ROBO2: variants seen among roughly 807,000 people sequenced by gnomAD.
The protein encoded by ROBO2 is roundabout guidance receptor 2, also known as roundabout homolog 2.
A neutral mutation model predicts 160.8 loss-of-function variants in ROBO2; 53 were observed. The observed-to-expected ratio is 0.33, with a 90% confidence interval of 0.26 to 0.41. The LOEUF (loss-of-function observed/expected upper bound fraction) is 0.41, where lower values mean the gene tolerates loss of function less well. ROBO2 is among the 10% of genes least tolerant of loss of function. The pLI is 1.00. For synonymous variants in ROBO2, 664 were observed against 611.7 expected, an observed-to-expected ratio of 1.09 and a Z score of -1.26; for missense variants, 1,577 against 1,722.4, an observed-to-expected ratio of 0.92 and a Z score of 1.49.
intron 1 of ROBO2, among the ~76,000 whole-genome samples, chr3:75,929,415 T>A (rs1237244051): frequency 6.6e-6 from 1 of 152,136 alleles, no homozygotes; most frequent in Non-Finnish European, 1.5e-5. Flanking sequence ...GTTTGCTAAG[T>A]TCCATATTGC....
At chr3:76,198,994 G>A (rs1702390671) in intron 2 of ROBO2, among the ~76,000 whole-genome samples, 1 of 152,126 alleles carries the variant, frequency 6.6e-6, no homozygotes. Flanking sequence ...ATGGGGCTGG[G>A]CTATGAGTCC....
At chr3:76,890,533 A>G (rs951587766) in intron 2 of ROBO2, among the ~76,000 whole-genome samples, 1 of 152,110 alleles carries the variant, frequency 6.6e-6, no homozygotes, top group Non-Finnish European at 1.5e-5. Flanking sequence ...ATTTCCAAAT[A>G]GGGCCTGAAA....
At chr3:76,676,187 T>G (rs2092402632) in intron 2 of ROBO2, among the ~76,000 whole-genome samples, 1 of 151,996 alleles carries the variant, frequency 6.6e-6, no homozygotes. Context: ...TCCCCACGTG[T>G]TGGGGGAGGG....
chr3:76,901,881 C>T (rs901809172), intron 2 of ROBO2, among the ~76,000 whole-genome samples: 2 of 151,900 alleles, frequency 1.3e-5, no homozygotes, highest in African/African-American at 4.8e-5. Flanking sequence ...TCAATCCTAA[C>T]TTTTTTCTTC....
At chr3:76,831,005 T>TTAA (rs918509225) in intron 2 of ROBO2, among the ~76,000 whole-genome samples, 10 of 151,934 alleles carry the variant, frequency 6.6e-5, no homozygotes, top group African/African-American at 1.9e-4. Context: ...AATAAATTAA[T>TTAA]TAATAATAAT....
chr3:76,796,164 A>G (rs1576664211), intron 2 of ROBO2, among the ~76,000 whole-genome samples: 2 of 152,214 alleles, frequency 1.3e-5, no homozygotes, highest in South Asian at 4.1e-4. Context: ...TCACCAGGGC[A>G]CCAGCTGCTA....
At chr3:76,122,546 A>G (rs1037102090) in intron 2 of ROBO2, among the ~76,000 whole-genome samples, 6 of 152,124 alleles carry the variant, frequency 3.9e-5, no homozygotes, top group African/African-American at 2.4e-5. Context: ...TTTGTGACCT[A>G]AAATATGACC....
intron 2 of ROBO2, among the ~76,000 whole-genome samples, chr3:76,592,497 A>C (rs2086475591): frequency 6.6e-6 from 1 of 152,128 alleles, no homozygotes; most frequent in African/African-American, 2.4e-5. Context: ...TTTAGAGATC[A>C]AATGTAATTC....
intron 2 of ROBO2, among the ~76,000 whole-genome samples, chr3:76,842,030 G>C (rs879695060): frequency 2.6e-5 from 4 of 152,186 alleles, no homozygotes; most frequent in Non-Finnish European, 5.9e-5. Context: ...TCAGCAAGGG[G>C]AAAGTTGTGT....
intron 2 of ROBO2, among the ~76,000 whole-genome samples, chr3:77,436,491 A>G (rs541911105): frequency 2.0e-5 from 3 of 151,616 alleles, no homozygotes; most frequent in Admixed American, 2.0e-4. Context: ...GGCTTGTTAC[A>G]TTTTAAGAGC....
chr3:76,599,582 T>C (rs2086977825), intron 2 of ROBO2, among the ~76,000 whole-genome samples: 1 of 152,174 alleles, frequency 6.6e-6, no homozygotes, highest in Non-Finnish European at 1.5e-5. Context: ...GTATTGCTGG[T>C]TCAAATGTTA....
chr3:76,073,143 G>T (rs1462384106), intron 2 of ROBO2, among the ~76,000 whole-genome samples: 1 of 151,852 alleles, frequency 6.6e-6, no homozygotes, highest in Non-Finnish European at 1.5e-5. Flanking sequence ...AGGGGAGGCT[G>T]CTCTCCATAA....
intron 1 of ROBO2, among the ~76,000 whole-genome samples, chr3:75,910,903 G>A (rs1946549072): frequency 6.6e-6 from 1 of 151,690 alleles, no homozygotes; most frequent in Non-Finnish European, 1.5e-5. Context: ...GTTTTTAAAT[G>A]TATTATTTAA....
At chr3:76,716,890 TAA>T (rs1202827807) in intron 2 of ROBO2, among the ~76,000 whole-genome samples, 1 of 152,218 alleles carries the variant, frequency 6.6e-6, no homozygotes, top group Non-Finnish European at 1.5e-5. Context: ...TCCTCCTGTT[TAA>T]GTCATGTCTA....
At chr3:77,282,923 C>T (rs1404936031) in intron 2 of ROBO2, among the ~76,000 whole-genome samples, 8 of 147,992 alleles carry the variant, frequency 5.4e-5, no homozygotes, top group Non-Finnish European at 8.9e-5. Context: ...GGAACTTTTC[C>T]ATTAAATAAC....
At chr3:76,299,310 G>T (rs925121711) in intron 2 of ROBO2, among the ~76,000 whole-genome samples, 15 of 152,112 alleles carry the variant, frequency 9.9e-5, no homozygotes, top group African/African-American at 3.6e-4. Flanking sequence ...CAGGTTTCAT[G>T]GAGAATAAAA....
At chr3:77,091,250 C>T (rs533932290) in intron 1 of ROBO2, among the ~76,000 whole-genome samples, 2 of 152,242 alleles carry the variant, frequency 1.3e-5, no homozygotes, top group East Asian at 3.9e-4. Context: ...GCATTTTCCT[C>T]CTTTATTATA....
At chr3:76,177,224 G>T (rs1242455953) in intron 2 of ROBO2, among the ~76,000 whole-genome samples, 1 of 152,072 alleles carries the variant, frequency 6.6e-6, no homozygotes, top group Admixed American at 6.6e-5. Flanking sequence ...TATATAAGGA[G>T]AAACATTTTT....
intron 2 of ROBO2, among the ~76,000 whole-genome samples, chr3:77,197,406 A>T (rs2082406521): frequency 6.6e-6 from 1 of 152,334 alleles, no homozygotes; most frequent in Non-Finnish European, 1.5e-5. Flanking sequence ...ACTGCCAAAA[A>T]GCAACTTGCT....
Sources: allele counts gnomAD v4.1 joint callset (sites outside exome capture counted in the v4.1 genomes callset), GRCh38; gene constraint gnomAD v4.1.1; transcripts MANE v1.5; gene names NCBI Gene and HGNC (gene_info 2026-07-23, HGNC 2026-07-21).